Variants in TDP1 observed in about 807,000 individuals in gnomAD.
TDP1 encodes tyr-DNA phosphodiesterase 1.
In TDP1, 64 loss-of-function variants were observed where a neutral mutation model predicts 81.5. The observed-to-expected ratio is 0.79, with a 90% CI of 0.64 to 0.97. TDP1 has a LOEUF of 0.97. TDP1 is among the 50% of genes least tolerant of loss of function. The probability of loss-of-function intolerance (pLI) is 0.00; values close to 1 mark genes in which losing one functional copy is unlikely to be tolerated. For synonymous variants in TDP1, 256 were observed against 264.3 expected (o/e 0.97, Z 0.30); for missense variants, 723 against 743.8 (o/e 0.97, Z 0.33).
chr14:89,980,730 T>A (rs1894883157), intron 8 of TDP1, 98 bp downstream of exon 8: 2 of 1,038,030 alleles, frequency 1.9e-6, no homozygotes, highest in Non-Finnish European at 2.9e-6. Context: ...TTTTTTTAAG[T>A]TGTAAAAATA....
At chr14:90,037,232 A>G (rs1887908124) in intron 16 of TDP1, among the ~76,000 whole-genome samples, 1 of 152,222 alleles carries the variant, frequency 6.6e-6, no homozygotes, top group Non-Finnish European at 1.5e-5. Flanking sequence ...ACTGGTGTGT[A>G]ATCTTAACCT....
chr14:90,000,112 T>G (rs747272642), intron 14 of TDP1, among the ~76,000 whole-genome samples: 4 of 152,094 alleles, frequency 2.6e-5, no homozygotes, highest in Non-Finnish European at 5.9e-5. Context: ...GTTCCTGCTT[T>G]CTTGTTGGCT....
intron 3 of TDP1, among the ~76,000 whole-genome samples, chr14:89,964,453 A>G (rs1440464460): frequency 6.6e-6 from 1 of 152,186 alleles, no homozygotes; most frequent in Admixed American, 6.5e-5. Context: ...GGGAGCAAAT[A>G]TATGAAGTAA....
In TDP1 at chr14:89,963,042, A is replaced by G; in HGVS notation, c.-7-66A>G. ...CTCATCTGACAGGGAAGTTGAGAGC[A>G]ATAAAGTTATTTTGCCAATGCCCTG... On this transcript the variant is annotated intron_variant, in intron 2 of 16. Transcript: ENST00000335725. 5 of 1,612,328 alleles carry G rather than the reference A, an allele frequency of 3.1e-6. No individual in the cohort carries two copies. In the South Asian group the frequency reaches 3.3e-5, roughly 11 times the overall value.
At chr14:90,034,208 C>A (rs1887597665) in intron 16 of TDP1, among the ~76,000 whole-genome samples, 1 of 152,204 alleles carries the variant, frequency 6.6e-6, no homozygotes, top group African/African-American at 2.4e-5. Flanking sequence ...CTCATTGAGG[C>A]TGTTGTGATA....
At chr14:90,014,837 A>G (rs1180047079) in intron 14 of TDP1, among the ~76,000 whole-genome samples, 1 of 152,194 alleles carries the variant, frequency 6.6e-6, no homozygotes, top group East Asian at 1.9e-4. Context: ...TCCCATTACC[A>G]AAGTTCAGGT....
chr14:90,008,275 C>T lies in TDP1; in HGVS notation c.1542-11041C>T, dbSNP rs73328423. ...CAGTTTCTTACTTTGCACCTCTTTGCCTCTGAGTTGCATTCTACCTAATTT... is the reference window on the plus strand; with the variant it reads ...CAGTTTCTTACTTTGCACCTCTTTGTCTCTGAGTTGCATTCTACCTAATTT... On this transcript the variant is annotated intron_variant, in intron 14 of 16. Coordinates refer to ENST00000335725, the MANE Select transcript of TDP1 (RefSeq NM_018319.4). 3.9e-3 allele frequency among the ~76,000 whole-genome samples: 587 copies of T among 152,276 alleles called. 2 individuals carry two copies. Among genetic ancestry groups the T allele is most frequent in the African/African-American group, 0.014 (567 of 41,572 alleles).
chr14:90,018,937 T>C, intron 14 of TDP1: 1 of 973,196 alleles, frequency 1.0e-6, no homozygotes, highest in Non-Finnish European at 1.2e-6. Flanking sequence ...CTACATAAGA[T>C]AATATTAACT....
At chr14:89,979,416 T>A (rs1418128562) in intron 7 of TDP1, among the ~76,000 whole-genome samples, 1 of 152,008 alleles carries the variant, frequency 6.6e-6, no homozygotes, top group Non-Finnish European at 1.5e-5. Flanking sequence ...TTCAACTGAT[T>A]CACCTGCCTC....
At chr14:90,039,875 A>C (rs1001001456) in intron 16 of TDP1, among the ~76,000 whole-genome samples, 1 of 152,196 alleles carries the variant, frequency 6.6e-6, no homozygotes, top group Non-Finnish European at 1.5e-5. Flanking sequence ...ACGATAGTAC[A>C]ATCCCCAATT....
intron 14 of TDP1, among the ~76,000 whole-genome samples, chr14:90,007,069 A>G (rs1175789806): frequency 6.6e-6 from 1 of 152,104 alleles, no homozygotes; most frequent in Non-Finnish European, 1.5e-5. Context: ...ATTACTTTAC[A>G]GTCACTTCTT....
At chr14:89,970,508 T>G (rs1269122539) in intron 5 of TDP1, among the ~76,000 whole-genome samples, 1 of 151,920 alleles carries the variant, frequency 6.6e-6, no homozygotes, top group Non-Finnish European at 1.5e-5. Flanking sequence ...AAGCACTATA[T>G]TATATAATAA....
intron 14 of TDP1, among the ~76,000 whole-genome samples, chr14:89,998,247 A>C (rs1198084427): frequency 6.6e-6 from 1 of 151,486 alleles, no homozygotes; most frequent in Non-Finnish European, 1.5e-5. Flanking sequence ...GTTAAGATCA[A>C]GTTTTGCTAT....
At chr14:89,967,573 C>G in intron 5 of TDP1, 151 bp downstream of exon 5, 1 of 739,428 alleles carries the variant, frequency 1.4e-6, no homozygotes, top group Non-Finnish European at 2.5e-6. Flanking sequence ...ATCCGGAAAA[C>G]AGCATTCTTT....
At chr14:90,033,289 G>T in intron 16 of TDP1, 75 bp downstream of exon 16, 1 of 882,198 alleles carries the variant, frequency 1.1e-6, no homozygotes, top group Non-Finnish European at 1.9e-6. Flanking sequence ...GAAGCCTTTG[G>T]TCTCAGTGGG....
intron 14 of TDP1, among the ~76,000 whole-genome samples, chr14:90,006,753 G>C (rs1205768668): frequency 6.6e-6 from 1 of 152,122 alleles, no homozygotes; most frequent in Non-Finnish European, 1.5e-5. Flanking sequence ...TGGCCAGGCT[G>C]GTCTCGAACT....
At chr14:90,016,795 C>A (rs1189835872) in intron 14 of TDP1, among the ~76,000 whole-genome samples, 1 of 152,152 alleles carries the variant, frequency 6.6e-6, no homozygotes, top group Non-Finnish European at 1.5e-5. Context: ...TGATACACCC[C>A]CAGAAGCTAC....
chr14:89,991,347 C>T, intron 12 of TDP1, among the ~76,000 whole-genome samples: 1 of 152,168 alleles, frequency 6.6e-6, no homozygotes, highest in East Asian at 1.9e-4. Flanking sequence ...TGTTTTATAA[C>T]TGGCTTTGAA....
chr14:90,022,539 G>A (rs1886206070), intron 15 of TDP1, among the ~76,000 whole-genome samples: 1 of 152,234 alleles, frequency 6.6e-6, no homozygotes, highest in Admixed American at 6.5e-5. Flanking sequence ...GAAAGAGCCT[G>A]TTTCCAGAGA....
Sources: allele counts gnomAD v4.1 joint callset (sites outside exome capture counted in the v4.1 genomes callset), GRCh38; gene constraint gnomAD v4.1.1; transcripts MANE v1.5; gene names NCBI Gene and HGNC (gene_info 2026-07-23, HGNC 2026-07-21).